COBLL1: variants seen among roughly 807,000 people sequenced by gnomAD.
COBLL1 encodes cordon-bleu protein-like 1.
COBLL1 carries 50 observed loss-of-function variants against 94.8 expected under a neutral mutation model. The observed-to-expected ratio is 0.53, with a 90% CI of 0.42 to 0.67. COBLL1 has a LOEUF of 0.67. Ranked by LOEUF, COBLL1 falls within the 30% of genes least tolerant of loss-of-function variation. The probability of loss-of-function intolerance (pLI) is 0.00; values close to 1 mark genes in which losing one functional copy is unlikely to be tolerated. For missense variants in COBLL1, 1,362 were observed against 1,348.7 expected, an observed-to-expected ratio of 1.01 and a Z score of -0.15; for synonymous variants, 448 against 473.8, an observed-to-expected ratio of 0.95 and a Z score of 0.71.
chr2:164,793,326 A>T (rs1230229262), intron 2 of COBLL1, among the ~76,000 whole-genome samples: 1 of 152,108 alleles, frequency 6.6e-6, no homozygotes, highest in Non-Finnish European at 1.5e-5. Flanking sequence ...AGCAAAAAAA[A>T]AAAACAAAAG....
chr2:164,814,810 G>C (rs1684636023), intron 2 of COBLL1, among the ~76,000 whole-genome samples: 1 of 152,112 alleles, frequency 6.6e-6, no homozygotes, highest in Non-Finnish European at 1.5e-5. Flanking sequence ...TAGAAAAAAT[G>C]TATAAATTCT....
rs906329249 is a variant in COBLL1, at chr2:164,841,524, G to A, written c.-51+186C>T. ...GGTAGCCATTTGGCGCCTCTCGGAGGGAGAGGAGCCGCCGGGGCTGGAAAA... is the reference window on the plus strand; with the variant it reads ...GGTAGCCATTTGGCGCCTCTCGGAGAGAGAGGAGCCGCCGGGGCTGGAAAA... On this transcript the variant is annotated intron_variant, in intron 1 of 13. Transcript: ENST00000652658. The surrounding 1 kb of genome is among the most constrained non-coding windows in gnomAD (Gnocchi z 5.5). The A allele has an allele frequency of 1.1e-5, 11 of 964,818 alleles. No individual in the cohort carries two copies. Among genetic ancestry groups the A allele is most frequent in the Non-Finnish European group, 1.4e-5 (11 of 775,874 alleles). The allele number at this position is 964,818 out of a possible 1,614,324, so 59.8% of individuals were successfully genotyped here. A position where few individuals can be genotyped will look rare whatever the true frequency, so the allele number is the denominator to read the frequency against.
intron 2 of COBLL1, among the ~76,000 whole-genome samples, chr2:164,772,592 G>A (rs2105253593): frequency 6.6e-6 from 1 of 152,008 alleles, no homozygotes; most frequent in East Asian, 1.9e-4. Flanking sequence ...AGCTCTGTTA[G>A]AAGAAATACT....
At chr2:164,792,107 C>CTTTA (rs538001731) in intron 2 of COBLL1, among the ~76,000 whole-genome samples, 163 of 151,398 alleles carry the variant, frequency 1.1e-3, no homozygotes, top group South Asian at 5.6e-3. Context: ...TCTTTCTATT[C>CTTTA]TTTATTTATT....
chr2:164,803,398 T>C (rs1683915654), intron 2 of COBLL1, among the ~76,000 whole-genome samples: 1 of 151,258 alleles, frequency 6.6e-6, no homozygotes, highest in Non-Finnish European at 1.5e-5. Context: ...ACCCCGTCTC[T>C]ACTAAAAATA....
rs199706631 is a variant in COBLL1 at position 164,743,774 on chromosome 2, T to A, written c.143A>T (p.Glu48Val). Residue 48 changes from glutamate to valine, a missense_variant, in exon 3 of 14, where the codon GAA becomes GTA. Physicochemically the swap from Glu to Val is moderately radical, Grantham distance 121. Coordinates refer to ENST00000652658, the MANE Select transcript of COBLL1 (RefSeq NM_001365672.2). ...DSVESTAFIM[E>V]QKENMIDKDV... is the part of the protein sequence containing the mutation. Reference sequence around the variant, plus strand: ...TTTATCTATCATGTTTTCTTTCTGTTCCATGATGAAAGCAGTGGATTCTAC... The same window carrying A: ...TTTATCTATCATGTTTTCTTTCTGTACCATGATGAAAGCAGTGGATTCTAC... 6.2e-6 allele frequency: 10 copies of A among 1,613,338 alleles called. No homozygotes were observed. Among genetic ancestry groups the A allele is most frequent in the African/African-American group, 1.3e-5 (1 of 74,986 alleles).
chr2:164,841,367 G>A lies in COBLL1; in HGVS notation c.-50-121C>T. The A allele has an allele frequency of 1.7e-6, 2 of 1,187,364 alleles. No individual in the cohort carries two copies. Among genetic ancestry groups the A allele is most frequent in the Non-Finnish European group, 1.0e-6 (1 of 959,824 alleles). 73.6% of individuals were successfully genotyped at this position (1,187,364 alleles called of 1,614,324 possible). On this transcript the variant is annotated intron_variant, in intron 1 of 13. Transcript: ENST00000652658. This position sits in a 1 kb window ranked among gnomAD's most constrained non-coding sequence, Gnocchi z 5.5. ...CCAGCCCCGGCCGGCCCGCCTCCCG[G>A]GTGCGCTTCCACCTGCGGGCCCCGG...
chr2:164,729,637 T>A (rs1386410200), intron 4 of COBLL1, among the ~76,000 whole-genome samples: 2 of 152,180 alleles, frequency 1.3e-5, no homozygotes, highest in Non-Finnish European at 2.9e-5. Context: ...CCTTTACATA[T>A]ACTTTTTAAA....
At chr2:164,676,137 G>A (rs756217478), downstream of COBLL1, among the ~76,000 whole-genome samples, 6 of 152,168 alleles carry the variant, frequency 3.9e-5, no homozygotes, top group Admixed American at 6.5e-5. Context: ...TAAGAGAAAT[G>A]TTTAGTATAG....
rs1025064830 is a variant in COBLL1, at chr2:164,687,508, C to T, written c.3301-1476G>A. On this transcript the variant is annotated intron_variant, in intron 13 of 13. Transcript: ENST00000652658. ...ATGCTCCTTGTTCTGCAGCTTGGTG[C>T]GGACGGACATGGTAACTTGGCCAAT... The T allele has an allele frequency of 2.8e-5, 41 of 1,446,660 alleles. 1 individual carries two copies. Among genetic ancestry groups the T allele is most frequent in the Non-Finnish European group, 2.9e-5 (30 of 1,042,698 alleles). 89.6% of individuals were successfully genotyped at this position (1,446,660 alleles called of 1,614,324 possible).
intron 2 of COBLL1, among the ~76,000 whole-genome samples, chr2:164,791,347 T>TAAACA (rs59297995): frequency 0.19 from 28,375 of 151,730 alleles, 2,939 homozygotes; most frequent in African/African-American, 0.24. Flanking sequence ...ATGACATGGT[T>TAAACA]AAACAAAACA....
Position 164,816,213 on chromosome 2 carries a change from C to G in COBLL1, c.41+24943G>C, listed in dbSNP as rs182348282. Among the ~76,000 whole-genome samples, 672 of 152,040 alleles carry G rather than the reference C, an allele frequency of 4.4e-3. 12 individuals carry two copies. Among genetic ancestry groups the G allele is most frequent in the Admixed American group, 0.039 (594 of 15,248 alleles). Reference sequence around the variant, plus strand: ...GGTCTTGAAAAATGTGTGGATTCCTCTGGGAAGTGAATTGAACCAGTAGAA... The same window carrying G: ...GGTCTTGAAAAATGTGTGGATTCCTGTGGGAAGTGAATTGAACCAGTAGAA... On this transcript the variant is annotated intron_variant, in intron 2 of 13. Coordinates refer to ENST00000652658, the MANE Select transcript of COBLL1 (RefSeq NM_001365672.2).
intron 2 of COBLL1, among the ~76,000 whole-genome samples, chr2:164,783,693 G>A (rs571361646): frequency 5.4e-4 from 82 of 151,886 alleles, no homozygotes; most frequent in Non-Finnish European, 8.4e-4. Flanking sequence ...CTGGCCAGGC[G>A]CAGTGATTCA....
intron 2 of COBLL1, among the ~76,000 whole-genome samples, chr2:164,805,337 C>CTCTCTCTCTA (rs758137553): frequency 2.9e-4 from 5 of 17,046 alleles, no homozygotes; most frequent in African/African-American, 4.6e-4. Flanking sequence ...CTCTCTCTCT[C>CTCTCTCTCTA]TATATATATA....
At chr2:164,778,234 G>A (rs1163121668) in intron 2 of COBLL1, among the ~76,000 whole-genome samples, 1 of 152,172 alleles carries the variant, frequency 6.6e-6, no homozygotes, top group Non-Finnish European at 1.5e-5. Flanking sequence ...CAGCTCAGAG[G>A]ATGGGTGTGT....
intron 2 of COBLL1, among the ~76,000 whole-genome samples, chr2:164,788,874 T>C (rs918511562): frequency 4.0e-5 from 6 of 149,016 alleles, no homozygotes; most frequent in Non-Finnish European, 5.9e-5. Flanking sequence ...GAATAAAAAG[T>C]TCAAGAGATG....
chr2:164,839,142 T>C (rs1443129039), intron 2 of COBLL1, among the ~76,000 whole-genome samples: 4 of 152,218 alleles, frequency 2.6e-5, no homozygotes, highest in African/African-American at 9.6e-5. Context: ...GGCAAAATGA[T>C]AGAACTACTG....
intron 2 of COBLL1, among the ~76,000 whole-genome samples, chr2:164,765,454 A>G (rs1205028867): frequency 1.3e-5 from 2 of 152,190 alleles, no homozygotes; most frequent in Non-Finnish European, 2.9e-5. Context: ...TGATATAACC[A>G]CCAAATGTTA....
At chr2:164,717,883 A>G (rs192311316) in intron 7 of COBLL1, among the ~76,000 whole-genome samples, 157 of 152,304 alleles carry the variant, frequency 1.0e-3, no homozygotes, top group Middle Eastern at 6.8e-3. Flanking sequence ...ATTTTAATTC[A>G]AGGATCAATT....
Sources: gnomAD v4.1 joint callset for allele counts (sites outside exome capture counted in the v4.1 genomes callset) on GRCh38, gnomAD v4.1.1 for gene constraint, Gnocchi (gnomAD v3.1) non-coding constraint, MANE v1.5 for transcripts, NCBI Gene and HGNC (gene_info 2026-07-23, HGNC 2026-07-21) for gene names.